The following SCNN1B variants were observed in gnomAD, a reference collection of about 807,000 sequenced individuals.
The protein encoded by SCNN1B is epithelial sodium channel subunit beta.
SCNN1B carries 46 observed loss-of-function variants against 65.3 expected under a neutral mutation model. The ratio of observed to expected loss-of-function variants is 0.70; its 90% CI spans 0.56 to 0.90. SCNN1B has a LOEUF of 0.90. Ranked by LOEUF, SCNN1B falls within the 40% of genes least tolerant of loss-of-function variation. SCNN1B has a pLI of 0.00. For missense variants in SCNN1B, 751 were observed against 830.5 expected (o/e 0.90, Z 1.18); for synonymous variants, 349 against 330.6 (o/e 1.06, Z -0.60).
chr16:23,362,415 T>G (rs891666281), intron 4 of SCNN1B, among the ~76,000 whole-genome samples: 1 of 152,158 alleles, frequency 6.6e-6, no homozygotes, highest in Non-Finnish European at 1.5e-5. Context: ...TTACTATGGT[T>G]GTTGTTGTTT....
At chr16:23,371,086 G>C (rs189810922) in intron 5 of SCNN1B, among the ~76,000 whole-genome samples, 2 of 152,346 alleles carry the variant, frequency 1.3e-5, no homozygotes, top group East Asian at 3.9e-4. Context: ...AGACACCTAG[G>C]GAGGAGGCTA....
Position 23,355,086 on chromosome 16 carries a change from T to A in SCNN1B, c.586-213T>A, listed in dbSNP as rs558180420. ...GCTGGGGGTGGGTGCACCAGCCTGA[T>A]GAGGGGATCTTGTGGTCAGCACACA... On this transcript the variant is annotated intron_variant, in intron 3 of 12. Coordinates refer to ENST00000343070, the MANE Select transcript of SCNN1B (RefSeq NM_000336.3). Among the ~76,000 whole-genome samples the A allele has an allele frequency of 3.9e-5, 6 of 152,266 alleles. No homozygotes were observed. In the South Asian group the frequency reaches 1.2e-3, roughly 32 times the overall value.
chr16:23,364,345 A>C (rs1041861231), intron 4 of SCNN1B, among the ~76,000 whole-genome samples: 2 of 152,234 alleles, frequency 1.3e-5, no homozygotes, highest in African/African-American at 4.8e-5. Flanking sequence ...GGGAGAAGCC[A>C]GTATCTGAAG....
At chr16:23,308,154 T>C (rs1596820533) in intron 1 of SCNN1B, among the ~76,000 whole-genome samples, 1 of 152,082 alleles carries the variant, frequency 6.6e-6, no homozygotes, top group East Asian at 1.9e-4. Context: ...AAGTGAGCTG[T>C]GATCATCAGG....
chr16:23,332,323 G>A (rs1961830483), intron 1 of SCNN1B, among the ~76,000 whole-genome samples: 1 of 151,960 alleles, frequency 6.6e-6, no homozygotes, highest in Admixed American at 6.6e-5. Context: ...AGCCTCCCGA[G>A]TAGCTGGGAT....
chr16:23,352,768 T>A lies in SCNN1B; in HGVS notation c.312-33T>A, dbSNP rs1413961892. 1.9e-6 allele frequency: 3 copies of A among 1,613,474 alleles called. 1 individual carries two copies. The South Asian group carries it at 3.3e-5, about 18-fold the overall frequency. On this transcript the variant is annotated intron_variant, in intron 2 of 12. Transcript: ENST00000343070. ...TTTGCTCTGCTTTACAGATATGCAT[T>A]CCTTCCCCCTAACCAGCCCTCTCCC...
Position 23,348,827 on chromosome 16 carries a change from C to A in SCNN1B, c.228C>A (p.Ser76Arg). The change falls in exon 2 of 13, where the codon AGC (serine) becomes AGA (arginine). Residue 76 changes from serine (S) to arginine (R), a missense_variant. Physicochemically the swap from Ser to Arg is moderately radical, Grantham distance 110. Coordinates refer to ENST00000343070, the MANE Select transcript of SCNN1B (RefSeq NM_000336.3). This position sits in a 1 kb window ranked among gnomAD's most constrained non-coding sequence, Gnocchi z 4.5. ...QWGIFIRTYLSWEVSVSLSVG... is the reference protein window; with the variant it reads ...QWGIFIRTYLRWEVSVSLSVG... ...GCATCTTCATCAGGACCTACTTGAG[C>A]TGGGAGGTCAGCGTCTCCCTCTCCG... 1 of 1,614,182 alleles carries A rather than the reference C, an allele frequency of 6.2e-7. No homozygotes were observed.
At chr16:23,338,885 T>G (rs1961996935) in intron 1 of SCNN1B, among the ~76,000 whole-genome samples, 1 of 152,272 alleles carries the variant, frequency 6.6e-6, no homozygotes, top group Non-Finnish European at 1.5e-5. Flanking sequence ...TGAGACATAA[T>G]TTACATATAA....
chr16:23,333,149 A>AAGGAAGGAAG (rs1961857345), intron 1 of SCNN1B, among the ~76,000 whole-genome samples: 9 of 89,468 alleles, frequency 1.0e-4, no homozygotes, highest in Non-Finnish European at 1.3e-4. Context: ...AAGGAAGGAA[A>AAGGAAGGAAG]GAAGGAAGGA....
chr16:23,305,534 T>TTATA (rs56338840), intron 1 of SCNN1B, among the ~76,000 whole-genome samples: 46 of 7,340 alleles, frequency 6.3e-3, no homozygotes, highest in Non-Finnish European at 0.01. Context: ...AATATATATA[T>TTATA]TATATATATA....
intron 1 of SCNN1B, among the ~76,000 whole-genome samples, chr16:23,329,472 T>C (rs950402185): frequency 3.9e-5 from 6 of 152,184 alleles, no homozygotes; most frequent in African/African-American, 9.7e-5. Flanking sequence ...ATTTTTCTAC[T>C]TGCCTAATGA....
At chr16:23,346,046 CT>C (rs1197479685) in intron 1 of SCNN1B, among the ~76,000 whole-genome samples, 1 of 152,022 alleles carries the variant, frequency 6.6e-6, no homozygotes, top group Non-Finnish European at 1.5e-5. Flanking sequence ...ACCTGGTGGT[CT>C]TCACAAGAAC....
At chr16:23,351,874 C>A (rs184914913) in intron 2 of SCNN1B, among the ~76,000 whole-genome samples, 58 of 151,150 alleles carry the variant, frequency 3.8e-4, no homozygotes, top group Middle Eastern at 3.4e-3. Context: ...GTTGCTCCCC[C>A]CTGGGAGGGA....
Position 23,381,036 on chromosome 16 carries a change from A to G in SCNN1B, c.*235A>G, listed in dbSNP as rs978078692. The G allele has an allele frequency of 6.7e-6, 4 of 596,878 alleles. No homozygotes were observed. Among genetic ancestry groups the G allele is most frequent in the Non-Finnish European group, 1.2e-5 (4 of 330,584 alleles). The allele number at this position is 596,878 out of a possible 1,614,324, so 37.0% of individuals were successfully genotyped here. A position where few individuals can be genotyped will look rare whatever the true frequency, so the allele number is the denominator to read the frequency against. ...TAAATTGTATCTTCACCTGGTTCCT[A>G]CCCTCGTCCCTACCTGTCCTGATCC... is the stretch of plus-strand genomic sequence containing the variant. On this transcript the variant is annotated 3_prime_UTR_variant, in exon 13 of 13. Coordinates refer to ENST00000343070, the MANE Select transcript of SCNN1B (RefSeq NM_000336.3).
chr16:23,341,405 G>A (rs1022616890), intron 1 of SCNN1B, among the ~76,000 whole-genome samples: 2 of 152,046 alleles, frequency 1.3e-5, no homozygotes, highest in African/African-American at 4.8e-5. Flanking sequence ...AGGCAATAGA[G>A]TCTTAGATAT....
chr16:23,316,597 CATCACCATCATCACCATCATG>C (rs1961473388), intron 1 of SCNN1B, among the ~76,000 whole-genome samples: 1 of 147,432 alleles, frequency 6.8e-6, no homozygotes, highest in African/African-American at 2.7e-5. Context: ...TCTTCACCAC[CATCACCATCATCACCATCATG>C]ATCACCATCA....
intron 8 of SCNN1B, among the ~76,000 whole-genome samples, chr16:23,376,610 C>T (rs1437601581): frequency 6.6e-6 from 1 of 151,952 alleles, no homozygotes; most frequent in Non-Finnish European, 1.5e-5. Context: ...TGGAGTCCAA[C>T]CACCGAAGAA....
At chr16:23,332,462 G>C (rs1489126673) in intron 1 of SCNN1B, among the ~76,000 whole-genome samples, 2 of 152,048 alleles carry the variant, frequency 1.3e-5, no homozygotes, top group Non-Finnish European at 2.9e-5. Context: ...CTCCCAAAGT[G>C]CTGGGATTAC....
rs772792611 is a variant in SCNN1B, at chr16:23,380,640, T to A, written c.1762T>A (p.Phe588Ile). The change falls in exon 13 of 13, where the codon TTT becomes ATT. Residue 588 changes from phenylalanine to isoleucine, a missense_variant. By Grantham distance (21) the Phe-to-Ile change is conservative. Coordinates refer to ENST00000343070, the MANE Select transcript of SCNN1B (RefSeq NM_000336.3). The surrounding 1 kb of genome is among the most constrained non-coding windows in gnomAD (Gnocchi z 5.4). ...VAELVEAHTN[F>I]GFQPDTAPRS... ...CGAGCTGGTGGAGGCCCACACCAAC[T>A]TTGGCTTCCAGCCTGACACGGCCCC... The A allele has an allele frequency of 2.5e-6, 4 of 1,613,492 alleles. No individual in the cohort carries two copies. In the Admixed American group the frequency reaches 6.7e-5, roughly 27 times the overall value.
Sources: allele counts gnomAD v4.1 joint callset (sites outside exome capture counted in the v4.1 genomes callset), GRCh38; gene constraint gnomAD v4.1.1; non-coding constraint Gnocchi (gnomAD v3.1); transcripts MANE v1.5; gene names NCBI Gene and HGNC (gene_info 2026-07-23, HGNC 2026-07-21).